TKTL1: variants seen among roughly 807,000 people sequenced by gnomAD.
TKTL1 encodes transketolase-like protein 1.
TKTL1 carries 1 observed loss-of-function variant against 39.3 expected under a neutral mutation model. That is an observed-to-expected ratio of 0.03 (90% CI 0.01 to 0.12). The LOEUF is 0.12. TKTL1 is among the 10% of genes least tolerant of loss of function. TKTL1 has a pLI of 1.00. For synonymous variants in TKTL1, 262 were observed against 193.8 expected (o/e 1.35, Z -2.92); for missense variants, 575 against 509.6 (o/e 1.13, Z -1.24).
At chrX:154,322,601 G>A (rs2067460579) in intron 8 of TKTL1, among the ~76,000 whole-genome samples, 1 of 111,495 alleles carries the variant, frequency 9.0e-6, no homozygotes, top group African/African-American at 3.3e-5. Flanking sequence ...CCTAGGCAAG[G>A]CAGTGTGCAT....
At chrX:154,308,300 G>T (rs1277146331) in intron 2 of TKTL1, among the ~76,000 whole-genome samples, 2 of 111,931 alleles carry the variant, frequency 1.8e-5, no homozygotes, top group Non-Finnish European at 3.8e-5. Flanking sequence ...GGTAGTGGGT[G>T]CCATGAGTGC....
chrX:154,301,785 G>GT (rs2067275638), intron 1 of TKTL1, among the ~76,000 whole-genome samples: 2 of 104,425 alleles, frequency 1.9e-5, no homozygotes, highest in Admixed American at 2.1e-4. Flanking sequence ...TAGAGACGGG[G>GT]TTTCTCCATG....
chrX:154,298,844 T>G (rs2067250765), intron 1 of TKTL1, among the ~76,000 whole-genome samples: 1 of 110,626 alleles, frequency 9.0e-6, no homozygotes, highest in Non-Finnish European at 1.9e-5. Flanking sequence ...GAAGGGTTAT[T>G]TATTTATTAT....
chrX:154,328,046 A>G (rs926708589), intron 12 of TKTL1, 88 bp downstream of exon 12: 92 of 1,078,471 alleles, frequency 8.5e-5, no homozygotes, highest in Non-Finnish European at 4.6e-5. Flanking sequence ...GGCATCACCT[A>G]TAGTCTACCT....
intron 7 of TKTL1, chrX:154,320,515 G>A (rs2067440505): frequency 2.5e-6 from 1 of 398,395 alleles, no homozygotes; most frequent in Non-Finnish European, 4.4e-6. Flanking sequence ...GCGGACACCA[G>A]GAGGGCAGGC....
At chrX:154,323,571 G>T (rs1302519770) in intron 9 of TKTL1, among the ~76,000 whole-genome samples, 1 of 112,244 alleles carries the variant, frequency 8.9e-6, no homozygotes, top group African/African-American at 3.2e-5. Context: ...TCTCAGTCAG[G>T]GTTTAGCAGA....
At position 154,329,573 on chromosome X, in the gene TKTL1, A is replaced by G. The variant is rs782676053; in HGVS notation, c.1676A>G (p.His559Arg). ...TCCATGGATCCTGACATTCAGGTTC[A>G]TTCGCTGGCAGTGTCGGGAGTGCCC... ...AVSMDPDIQV[H>R]SLAVSGVPQS... The change falls in exon 13 of 13, where the codon CAT (histidine) becomes CGT (arginine). Residue 559 changes from histidine to arginine, a missense_variant. By Grantham distance (29) the His-to-Arg change is conservative. Coordinates refer to ENST00000369915, the MANE Select transcript of TKTL1 (RefSeq NM_012253.4). The G allele has an allele frequency of 7.4e-6, 9 of 1,212,042 alleles. No homozygotes were observed. The East Asian group carries it at 2.4e-4, about 32-fold the overall frequency.
At chrX:154,312,088 A>G (rs2067362434) in intron 5 of TKTL1, among the ~76,000 whole-genome samples, 2 of 111,661 alleles carry the variant, frequency 1.8e-5, no homozygotes, top group Non-Finnish European at 3.8e-5. Context: ...CCCCACTCCA[A>G]ACCCTTCAAT....
chrX:154,317,089 T>C (rs782762214), intron 7 of TKTL1, among the ~76,000 whole-genome samples: 11 of 111,604 alleles, frequency 9.9e-5, no homozygotes, highest in African/African-American at 2.9e-4. Flanking sequence ...GTTTTCATTT[T>C]GAATAGAAAA....
Position 154,315,315 on chromosome X carries a change from G to C in TKTL1, c.1007G>C (p.Cys336Ser), listed in dbSNP as rs1557169158. 3 of 1,208,493 alleles carry C rather than the reference G, an allele frequency of 2.5e-6. No individual in the cohort carries two copies. Among genetic ancestry groups the C allele is most frequent in the South Asian group, 1.8e-5 (1 of 56,598 alleles). The change falls in exon 7 of 13, where the codon TGC becomes TCC. Residue 336 changes from cysteine to serine, a missense_variant. Cys to Ser is a moderately radical substitution (Grantham distance 112). Transcript: ENST00000369915. ...NKEYPERFIE[C>S]FMAEQNMVSV... ...GAGTACCCTGAGCGCTTCATCGAGT[G>C]CTTTATGGCTGAACAAAACATGGTG...
chrX:154,313,647 A>G (rs2067375056), intron 6 of TKTL1, among the ~76,000 whole-genome samples: 1 of 111,559 alleles, frequency 9.0e-6, no homozygotes, highest in Non-Finnish European at 1.9e-5. Context: ...TATATCAACA[A>G]AGGGTGGGCC....
chrX:154,323,389 T>TAAGC, intron 9 of TKTL1, 52 bp downstream of exon 9: 4 of 1,174,561 alleles, frequency 3.4e-6, no homozygotes, highest in Non-Finnish European at 4.6e-6. Context: ...TGGACTCTGC[T>TAAGC]AGTTTCATAC....
At chrX:154,296,077 G>A in intron 1 of TKTL1, 84 bp downstream of exon 1, 1 of 1,123,873 alleles carries the variant, frequency 8.9e-7, no homozygotes, top group East Asian at 3.0e-5. Context: ...GCCGTGTGGT[G>A]AAGGGAGAGC....
intron 2 of TKTL1, 118 bp from the exon 3 acceptor site, chrX:154,309,227 C>A: frequency 1.7e-6 from 1 of 581,862 alleles, no homozygotes. Flanking sequence ...GCGGGAGGGG[C>A]TGTTCGGATG....
In TKTL1 at chrX:154,328,545, C is replaced by CAAAAAA. The variant is rs59136064; in HGVS notation, c.1618+629_1618+634dup. Among the ~76,000 whole-genome samples, 5 of 15,322 alleles carry CAAAAAA rather than the reference C, an allele frequency of 3.3e-4. 1 individual carries two copies. Among genetic ancestry groups the CAAAAAA allele is most frequent in the Non-Finnish European group, 6.3e-4 (4 of 6,323 alleles). 13.3% of individuals were successfully genotyped at this position (15,322 alleles called of 115,157 possible). A position where few individuals can be genotyped will look rare whatever the true frequency, so the allele number is the denominator to read the frequency against. Reference sequence around the variant, plus strand: ...TGGGAAACAGAGTGAGACTCTGCCTCAAAAAAAAAAAAAAAAAAAAAAAAA... The same window carrying CAAAAAA: ...TGGGAAACAGAGTGAGACTCTGCCTCAAAAAAAAAAAAAAAAAAAAAAAAAAAAAAA... On this transcript the variant is annotated intron_variant, in intron 12 of 12. Coordinates refer to ENST00000369915, the MANE Select transcript of TKTL1 (RefSeq NM_012253.4).
intron 2 of TKTL1, among the ~76,000 whole-genome samples, chrX:154,306,192 C>T (rs2067313824): frequency 9.0e-6 from 1 of 111,178 alleles, no homozygotes; most frequent in Admixed American, 9.5e-5. Context: ...GCCTCTAATC[C>T]CAGCTTTTCG....
At chrX:154,300,525 T>C (rs1295455130) in intron 1 of TKTL1, among the ~76,000 whole-genome samples, 1 of 112,081 alleles carries the variant, frequency 8.9e-6, no homozygotes, top group African/African-American at 3.3e-5. Flanking sequence ...TTATTTGTTG[T>C]TTTTGCTGTT....
chrX:154,296,610 T>G (rs1161943347), intron 1 of TKTL1, among the ~76,000 whole-genome samples: 1 of 111,360 alleles, frequency 9.0e-6, no homozygotes. Context: ...CAGTTGATGG[T>G]TTTTGCATCA....
At chrX:154,299,682 A>G (rs951059339) in intron 1 of TKTL1, among the ~76,000 whole-genome samples, 2 of 111,345 alleles carry the variant, frequency 1.8e-5, no homozygotes, top group African/African-American at 3.3e-5. Flanking sequence ...TCCACTTACA[A>G]GTGAAAACAT....
Sources: gnomAD v4.1 joint callset for allele counts (sites outside exome capture counted in the v4.1 genomes callset) on GRCh38, gnomAD v4.1.1 for gene constraint, MANE v1.5 for transcripts, NCBI Gene and HGNC (gene_info 2026-07-23, HGNC 2026-07-21) for gene names.